LIN54: variants seen among roughly 807,000 people sequenced by gnomAD.
LIN54 encodes the protein lin-54 DREAM MuvB core complex component, also known as protein lin-54 homolog.
A neutral mutation model predicts 78.7 loss-of-function variants in LIN54; 9 were observed. That is an observed-to-expected ratio of 0.11 (90% CI 0.07 to 0.20). The LOEUF (loss-of-function observed/expected upper bound fraction) is 0.20. Ranked by LOEUF, LIN54 falls within the 10% of genes least tolerant of loss-of-function variation. The pLI is 1.00. For missense variants in LIN54, 573 were observed against 889.9 expected, an observed-to-expected ratio of 0.64 and a Z score of 4.53; for synonymous variants, 269 against 318.4, an observed-to-expected ratio of 0.84 and a Z score of 1.65.
At chr4:83,000,824 A>ATTTTTTTTTTTTTTTTTTTTTT (rs1553959263) in intron 1 of LIN54, among the ~76,000 whole-genome samples, 4 of 3,218 alleles carry the variant, frequency 1.2e-3, no homozygotes, top group Non-Finnish European at 3.0e-3. Flanking sequence ...AAAGCAATAA[A>ATTTTTTTTTTTTTTTTTTTTTT]TTCTTTTTTT....
intron 11 of LIN54, among the ~76,000 whole-genome samples, chr4:82,935,221 T>G (rs1722299647): frequency 6.6e-6 from 1 of 150,452 alleles, no homozygotes; most frequent in Non-Finnish European, 1.5e-5. Flanking sequence ...ATCCTTTAAT[T>G]TCCAGACTGT....
At chr4:82,987,533 C>A (rs1401066998) in intron 1 of LIN54, among the ~76,000 whole-genome samples, 10 of 152,074 alleles carry the variant, frequency 6.6e-5, no homozygotes, top group Admixed American at 6.6e-4. Flanking sequence ...TCCCCTTGAC[C>A]CCAACCCCCC....
intron 4 of LIN54, among the ~76,000 whole-genome samples, chr4:82,964,583 A>T (rs1725056865): frequency 6.6e-6 from 1 of 152,202 alleles, no homozygotes; most frequent in South Asian, 2.1e-4. Flanking sequence ...ACTGTCATAA[A>T]ATTCTTTTTC....
chr4:82,977,458 A>G (rs970667563), intron 3 of LIN54, among the ~76,000 whole-genome samples: 1 of 152,180 alleles, frequency 6.6e-6, no homozygotes, highest in Non-Finnish European at 1.5e-5. Flanking sequence ...GCACCAAGAG[A>G]AAGAGAATAG....
intron 11 of LIN54, among the ~76,000 whole-genome samples, chr4:82,934,497 T>C (rs1722227985): frequency 6.6e-6 from 1 of 152,258 alleles, no homozygotes; most frequent in South Asian, 2.1e-4. Flanking sequence ...AAGATGTTAC[T>C]CTCCTATTCC....
rs1721625979 is a variant in LIN54, at chr4:82,928,065, T to A, written c.*37A>T. ...TCAAGTGTCCCTGCACCTTAAATTT[T>A]CTGTACAGTTCCATTTATCAGTCTT... On this transcript the variant is annotated 3_prime_UTR_variant, in exon 13 of 13. Transcript: ENST00000340417. The A allele has an allele frequency of 6.4e-7, 1 of 1,574,790 alleles. No individual in the cohort carries two copies. The highest frequency in any genetic ancestry group is 8.7e-7 in the Non-Finnish European group (1 of 1,144,262).
At chr4:82,970,685 C>T (rs1036870603) in intron 3 of LIN54, among the ~76,000 whole-genome samples, 1 of 152,146 alleles carries the variant, frequency 6.6e-6, no homozygotes, top group African/African-American at 2.4e-5. Flanking sequence ...TTAAACTCTA[C>T]AAAAACAGTT....
chr4:82,950,681 G>A (rs1331049145), intron 4 of LIN54, among the ~76,000 whole-genome samples: 1 of 152,216 alleles, frequency 6.6e-6, no homozygotes, highest in South Asian at 2.1e-4. Context: ...ACATATATAA[G>A]TGACTGCCCT....
intron 4 of LIN54, among the ~76,000 whole-genome samples, chr4:82,960,707 T>C (rs1172769944): frequency 1.3e-5 from 2 of 152,158 alleles, no homozygotes; most frequent in East Asian, 3.8e-4. Context: ...CACAGATGTA[T>C]GCATTTTATC....
In LIN54 at chr4:82,973,152, T is replaced by C. The variant is rs555622887; in HGVS notation, c.809-2683A>G. Among the ~76,000 whole-genome samples, 60 of 152,280 alleles carry C rather than the reference T, an allele frequency of 3.9e-4. No homozygotes were observed. In the East Asian group the frequency reaches 8.1e-3, roughly 21 times the overall value. On this transcript the variant is annotated intron_variant, in intron 3 of 12. Coordinates refer to ENST00000340417, the MANE Select transcript of LIN54 (RefSeq NM_194282.4). The stretch of plus-strand genomic sequence containing the variant: ...AAAATTCAGTTTATAATTGCAACTA[T>C]ACTAACTCTTAAGATGAACAAAGAA...
At chr4:82,971,225 T>C (rs1053977941) in intron 3 of LIN54, among the ~76,000 whole-genome samples, 6 of 152,226 alleles carry the variant, frequency 3.9e-5, no homozygotes. Context: ...ATTCTAGCTT[T>C]CTTCCATTCT....
At chr4:82,936,499 G>A (rs894450979) in intron 9 of LIN54, 118 bp from the exon 10 acceptor site, 11 of 548,320 alleles carry the variant, frequency 2.0e-5, no homozygotes, top group African/African-American at 1.3e-4. Context: ...AAGCATCTCA[G>A]AAATCTACTC....
chr4:82,944,380 T>TCAC (rs1201361811), intron 5 of LIN54, among the ~76,000 whole-genome samples: 4 of 152,210 alleles, frequency 2.6e-5, no homozygotes, highest in Admixed American at 1.3e-4. Context: ...ATCATCATCA[T>TCAC]CACACTACCT....
In LIN54 at chr4:82,946,325, T is replaced by C. The variant is rs1234164100; in HGVS notation, c.1101A>G (p.Thr367=). 6.2e-7 allele frequency: 1 copy of C among 1,614,244 alleles called. No homozygotes were observed. The highest frequency in any genetic ancestry group is 1.3e-5 in the African/African-American group (1 of 75,066). Residue 367 remains threonine (T), a synonymous_variant, in exon 5 of 13, where the codon ACA becomes ACG. Transcript: ENST00000340417. ...KFHYVRLVTA[T]SASSSTQPVS... Reference sequence around the variant, plus strand: ...CTGGCTGGGTTGAGCTACTGGCTGATGTGGCAGTAACAAGTCGGACATAAT... The same window carrying C: ...CTGGCTGGGTTGAGCTACTGGCTGACGTGGCAGTAACAAGTCGGACATAAT...
At chr4:82,942,945 T>A (rs954630156) in intron 5 of LIN54, among the ~76,000 whole-genome samples, 1 of 148,034 alleles carries the variant, frequency 6.8e-6, no homozygotes, top group African/African-American at 2.4e-5. Flanking sequence ...CAAATTTACA[T>A]AGGTTTGACA....
chr4:82,966,618 T>G (rs1192958410), intron 4 of LIN54, among the ~76,000 whole-genome samples: 1 of 152,042 alleles, frequency 6.6e-6, no homozygotes, highest in Non-Finnish European at 1.5e-5. Flanking sequence ...CTTTAGGTTT[T>G]TTTGGTTTCG....
chr4:82,997,377 A>C (rs1029488889), intron 1 of LIN54, among the ~76,000 whole-genome samples: 3 of 152,138 alleles, frequency 2.0e-5, no homozygotes, highest in Non-Finnish European at 4.4e-5. Context: ...GCTTTTAACC[A>C]ATATCCTCTG....
At position 82,928,019 on chromosome 4, in the gene LIN54, A is replaced by C. The variant is rs1223674629; in HGVS notation, c.*83T>G. On this transcript the variant is annotated 3_prime_UTR_variant, in exon 13 of 13. Coordinates refer to ENST00000340417, the MANE Select transcript of LIN54 (RefSeq NM_194282.4). ...AACAAGGACTGAATTAAAATACAGT[A>C]ATTGTTTTTCTTCCAGAAAATCAAG... 2.7e-6 allele frequency: 3 copies of C among 1,119,822 alleles called. No individual in the cohort carries two copies. The highest frequency in any genetic ancestry group is 4.0e-6 in the Non-Finnish European group (3 of 741,712). 69.4% of individuals were successfully genotyped at this position (1,119,822 alleles called of 1,614,324 possible). A position where few individuals can be genotyped will look rare whatever the true frequency, so the allele number is the denominator to read the frequency against.
intron 4 of LIN54, among the ~76,000 whole-genome samples, chr4:82,966,490 G>C (rs1399324829): frequency 6.6e-6 from 1 of 151,206 alleles, no homozygotes; most frequent in Non-Finnish European, 1.5e-5. Context: ...AAGAGAATTT[G>C]CAAACATGGA....
Sources: gnomAD v4.1 joint callset for allele counts (sites outside exome capture counted in the v4.1 genomes callset) on GRCh38, gnomAD v4.1.1 for gene constraint, MANE v1.5 for transcripts, NCBI Gene and HGNC (gene_info 2026-07-23, HGNC 2026-07-21) for gene names.